SEMA6A: variants seen among roughly 807,000 people sequenced by gnomAD.
The protein encoded by SEMA6A is semaphorin 6A.
SEMA6A carries 25 observed loss-of-function variants against 96.8 expected under a neutral mutation model. That is an observed-to-expected ratio of 0.26 (90% CI 0.19 to 0.36). The LOEUF is 0.36. SEMA6A is among the 10% of genes least tolerant of loss of function. The probability of loss-of-function intolerance (pLI) is 1.00; values close to 1 mark genes in which losing one functional copy is unlikely to be tolerated. For missense variants in SEMA6A, 1,363 were observed against 1,323.1 expected, an observed-to-expected ratio of 1.03 and a Z score of -0.47; for synonymous variants, 612 against 518.0, an observed-to-expected ratio of 1.18 and a Z score of -2.46.
chr5:116,443,668 C>A lies in SEMA6A; in HGVS notation c.*2945G>T, dbSNP rs947438409. ...TCTTTTCTTACAACATACATTAAGT[C>A]GTGAATCAGATGTTAGGGGATGTGG... On this transcript the variant is annotated 3_prime_UTR_variant, in exon 19 of 19. Coordinates refer to ENST00000343348, the MANE Select transcript of SEMA6A (RefSeq NM_020796.5). The A allele has an allele frequency of 6.6e-6, 1 of 151,604 alleles. No homozygotes were observed. The highest frequency in any genetic ancestry group is 1.5e-5 in the Non-Finnish European group (1 of 67,902). 9.4% of individuals were successfully genotyped at this position (151,604 alleles called of 1,614,324 possible).
At chr5:116,482,358 G>A (rs1756824686) in intron 11 of SEMA6A, 86 bp downstream of exon 11, 4 of 1,416,112 alleles carry the variant, frequency 2.8e-6, no homozygotes, top group East Asian at 2.5e-5. Context: ...AGGCACTGGT[G>A]CGCAGTTCAT....
chr5:116,553,038 C>A (rs1357166498), intron 1 of SEMA6A, among the ~76,000 whole-genome samples: 1 of 152,116 alleles, frequency 6.6e-6, no homozygotes, highest in African/African-American at 2.4e-5. Flanking sequence ...GACACTTCTC[C>A]ATTTAGAAAA....
At chr5:116,464,813 G>C (rs139550394) in intron 18 of SEMA6A, among the ~76,000 whole-genome samples, 181 of 152,256 alleles carry the variant, frequency 1.2e-3, no homozygotes, top group Non-Finnish European at 1.9e-3. Context: ...GGATGAAGTG[G>C]ACAAAGAATG....
At chr5:116,496,089 CTA>C in intron 5 of SEMA6A, 160 bp downstream of exon 5, 2 of 605,120 alleles carry the variant, frequency 3.3e-6, no homozygotes, top group Non-Finnish European at 5.8e-6. Context: ...TAAAAGCAAA[CTA>C]TTTTTGCAAA....
At chr5:116,525,884 A>G (rs1316812968) in intron 1 of SEMA6A, among the ~76,000 whole-genome samples, 1 of 152,180 alleles carries the variant, frequency 6.6e-6, no homozygotes, top group Non-Finnish European at 1.5e-5. Context: ...TGTCTATATG[A>G]GCAAGGAACT....
In SEMA6A at chr5:116,446,483, C is replaced by A. The variant is rs1356243384; in HGVS notation, c.*130G>T. The A allele has an allele frequency of 1.3e-6, 1 of 780,778 alleles. No individual in the cohort carries two copies. The highest frequency in any genetic ancestry group is 1.9e-6 in the Non-Finnish European group (1 of 516,288). The allele number at this position is 780,778 out of a possible 1,614,324, so 48.4% of individuals were successfully genotyped here. On this transcript the variant is annotated 3_prime_UTR_variant, in exon 19 of 19. Coordinates refer to ENST00000343348, the MANE Select transcript of SEMA6A (RefSeq NM_020796.5). ...TACCCCTGTGTCCCAGAGAGGAGGACCCAGCGTCCTCGGCTCTGCCGCAGG... is the reference window on the plus strand; with the variant it reads ...TACCCCTGTGTCCCAGAGAGGAGGAACCAGCGTCCTCGGCTCTGCCGCAGG...
At position 116,448,196 on chromosome 5, in the gene SEMA6A, A is replaced by AAAAAAAAAAAT. The variant is rs780426357; in HGVS notation, c.1895-386_1895-385insATTTTTTTTTT. Among the ~76,000 whole-genome samples the AAAAAAAAAAAT allele has an allele frequency of 2.3e-3, 320 of 138,654 alleles. 7 individuals carry two copies. Among genetic ancestry groups the AAAAAAAAAAAT allele is most frequent in the Non-Finnish European group, 3.2e-3 (210 of 64,706 alleles). 91.0% of individuals were successfully genotyped at this position (138,654 alleles called of 152,430 possible). Reference sequence around the variant, plus strand: ...AAAAAAAAAAAAAAAAAAAAAAAAAATTAGCCAGGCGCGGTGGCGGGGGCT... The same window carrying AAAAAAAAAAAT: ...AAAAAAAAAAAAAAAAAAAAAAAAAAAAAAAAAAAATTTAGCCAGGCGCGGTGGCGGGGGCT... On this transcript the variant is annotated intron_variant, in intron 18 of 18. Coordinates refer to ENST00000343348, the MANE Select transcript of SEMA6A (RefSeq NM_020796.5).
chr5:116,492,188 G>A, intron 6 of SEMA6A: 1 of 252,168 alleles, frequency 4.0e-6, no homozygotes, highest in African/African-American at 2.3e-5. Context: ...ATGATGCTTA[G>A]CACACAGTGA....
intron 1 of SEMA6A, chr5:116,562,802 G>T (rs1294059064): frequency 1.9e-5 from 14 of 723,358 alleles, no homozygotes; most frequent in Non-Finnish European, 3.4e-5. Flanking sequence ...CCAGGATATG[G>T]CTCAGAGGTG....
At chr5:116,549,033 T>A (rs1285258821) in intron 1 of SEMA6A, among the ~76,000 whole-genome samples, 1 of 152,158 alleles carries the variant, frequency 6.6e-6, no homozygotes, top group African/African-American at 2.4e-5. Context: ...GGCTCTCTGA[T>A]GAATCAACGA....
At chr5:116,510,811 T>C (rs1400453437) in intron 1 of SEMA6A, among the ~76,000 whole-genome samples, 2 of 152,108 alleles carry the variant, frequency 1.3e-5, no homozygotes, top group Non-Finnish European at 2.9e-5. Flanking sequence ...ACAAACATGG[T>C]GTGGTTTTTA....
At chr5:116,466,581 A>G (rs543514328) in intron 18 of SEMA6A, among the ~76,000 whole-genome samples, 1 of 152,268 alleles carries the variant, frequency 6.6e-6, no homozygotes, top group African/African-American at 2.4e-5. Context: ...ATGTAGCCTG[A>G]GAGTCTGACC....
chr5:116,493,517 A>G (rs1276780312), intron 6 of SEMA6A, among the ~76,000 whole-genome samples: 3 of 152,192 alleles, frequency 2.0e-5, no homozygotes, highest in Non-Finnish European at 2.9e-5. Context: ...ATATTGCATT[A>G]AAAATCTAAC....
At chr5:116,528,054 G>A (rs908966258) in intron 1 of SEMA6A, among the ~76,000 whole-genome samples, 1 of 152,176 alleles carries the variant, frequency 6.6e-6, no homozygotes, top group Admixed American at 6.5e-5. Flanking sequence ...TCATTTAGGT[G>A]AATCTAGTTG....
rs1401329272 is a variant in SEMA6A, at chr5:116,447,447, C to T, written c.2259G>A (p.Thr753=). ...GGGTTGACTCTGGGGTGGGGAGGGC[C>T]GTCAGGTCCAGGTGGTGCTGGTCTG... ...IKADQHHLDL[T]ALPTPESTPT... Residue 753 remains threonine, a synonymous_variant, in exon 19 of 19, where the codon ACG becomes ACA. Transcript: ENST00000343348. 6 of 1,614,052 alleles carry T rather than the reference C, an allele frequency of 3.7e-6. No homozygotes were observed. The highest frequency in any genetic ancestry group is 5.1e-6 in the Non-Finnish European group (6 of 1,179,892).
At chr5:116,482,714 C>G (rs533451175) in intron 10 of SEMA6A, 139 bp from the exon 11 acceptor site, 1 of 736,208 alleles carries the variant, frequency 1.4e-6, no homozygotes, top group Non-Finnish European at 2.1e-6. Context: ...TATAAGGGAT[C>G]TTAGTACACA....
At chr5:116,549,883 G>A (rs961077418) in intron 1 of SEMA6A, among the ~76,000 whole-genome samples, 4 of 152,138 alleles carry the variant, frequency 2.6e-5, no homozygotes, top group Non-Finnish European at 5.9e-5. Context: ...TTGCCCAAGT[G>A]CTACCTGTAC....
At chr5:116,484,848 C>A (rs905466498) in intron 10 of SEMA6A, among the ~76,000 whole-genome samples, 3 of 152,238 alleles carry the variant, frequency 2.0e-5, no homozygotes, top group African/African-American at 7.2e-5. Flanking sequence ...AGGAGCAGAT[C>A]TTTGCTCCGA....
chr5:116,530,695 C>G (rs1464749458), intron 1 of SEMA6A, among the ~76,000 whole-genome samples: 2 of 152,008 alleles, frequency 1.3e-5, no homozygotes, highest in South Asian at 2.1e-4. Flanking sequence ...ATGGGTAAAA[C>G]CCCACATTTA....
Sources: allele counts gnomAD v4.1 joint callset (sites outside exome capture counted in the v4.1 genomes callset), GRCh38; gene constraint gnomAD v4.1.1; transcripts MANE v1.5; gene names NCBI Gene and HGNC (gene_info 2026-07-23, HGNC 2026-07-21).